TMEM63C: variants seen among roughly 807,000 people sequenced by gnomAD.
TMEM63C encodes transmembrane protein 63C.
TMEM63C carries 32 observed loss-of-function variants against 99.2 expected under a neutral mutation model. The ratio of observed to expected loss-of-function variants is 0.32; its 90% confidence interval spans 0.24 to 0.43. The LOEUF (loss-of-function observed/expected upper bound fraction) is 0.43, where lower values mean the gene tolerates loss of function less well. Ranked by LOEUF, TMEM63C falls within the 20% of genes least tolerant of loss-of-function variation. The pLI is 1.00. For missense variants in TMEM63C, 826 were observed against 1,053.0 expected (o/e 0.78, Z 2.98); for synonymous variants, 376 against 397.9 (o/e 0.94, Z 0.66).
At chr14:77,195,235 G>A (rs1199812451) in intron 1 of TMEM63C, among the ~76,000 whole-genome samples, 2 of 152,168 alleles carry the variant, frequency 1.3e-5, no homozygotes, top group South Asian at 2.1e-4. Flanking sequence ...AGATGTGGGC[G>A]GGCCCAAGAG....
At chr14:77,214,447 C>T (rs189107852) in intron 2 of TMEM63C, among the ~76,000 whole-genome samples, 2 of 152,064 alleles carry the variant, frequency 1.3e-5, no homozygotes, top group Non-Finnish European at 2.9e-5. Flanking sequence ...AGTCCAGCTT[C>T]CCTTTCCACC....
intron 6 of TMEM63C, 28 bp downstream of exon 6, chr14:77,225,489 G>C (rs775942595): frequency 5.0e-6 from 8 of 1,611,774 alleles, no homozygotes; most frequent in Admixed American, 1.7e-5. Flanking sequence ...GTGAGCTTGT[G>C]ACCGTGTTGC....
intron 1 of TMEM63C, among the ~76,000 whole-genome samples, chr14:77,192,654 C>T (rs1419143284): frequency 2.0e-5 from 3 of 151,864 alleles, no homozygotes; most frequent in East Asian, 1.9e-4. Context: ...TGCAGCTACT[C>T]GGGAGGCTGA....
In TMEM63C at chr14:77,225,552, G is replaced by A. The variant is rs1888805478; in HGVS notation, c.350+91G>A. 7.9e-6 allele frequency: 11 copies of A among 1,384,310 alleles called. No homozygotes were observed. In the South Asian group the frequency reaches 1.3e-4, roughly 17 times the overall value. 85.8% of individuals were successfully genotyped at this position (1,384,310 alleles called of 1,614,324 possible). On this transcript the variant is annotated intron_variant, in intron 6 of 23. Coordinates refer to ENST00000298351, the MANE Select transcript of TMEM63C (RefSeq NM_020431.4). ...GAAAAGTTAGCAGCCCCCAGCCTGG[G>A]AAGACAGGGCCTGAGCTCCGTATCC...
At chr14:77,217,367 C>A (rs1372865630) in intron 2 of TMEM63C, among the ~76,000 whole-genome samples, 1 of 152,216 alleles carries the variant, frequency 6.6e-6, no homozygotes, top group Non-Finnish European at 1.5e-5. Context: ...ATTCCCTAAT[C>A]ACCCCTTTAC....
intron 22 of TMEM63C, 54 bp downstream of exon 22, chr14:77,251,952 G>A (rs1305533189): frequency 2.9e-6 from 4 of 1,388,388 alleles, no homozygotes; most frequent in East Asian, 4.6e-5. Context: ...GGGGGACACA[G>A]CTGTAGGATA....
At chr14:77,232,389 G>A (rs1216100178) in intron 7 of TMEM63C, among the ~76,000 whole-genome samples, 1 of 152,134 alleles carries the variant, frequency 6.6e-6, no homozygotes, top group African/African-American at 2.4e-5. Context: ...CTGGGTTCAA[G>A]TGATTCTCCT....
chr14:77,253,296 C>G lies in TMEM63C; in HGVS notation c.2149-9C>G. 1 of 1,612,120 alleles carries G rather than the reference C, an allele frequency of 6.2e-7. No individual in the cohort carries two copies. The highest frequency in any genetic ancestry group is 8.5e-7 in the Non-Finnish European group (1 of 1,179,310). On this transcript the variant is annotated splice_polypyrimidine_tract_variant and intron_variant, in intron 22 of 23. Transcript: ENST00000298351. The stretch of plus-strand genomic sequence containing the variant: ...GCCTCCTGTAACCCACCACCTCTCC[C>G]TGCTGCAGCCCGAGGAGGAGGAGAT...
chr14:77,202,827 A>ACACG (rs1471682660), intron 1 of TMEM63C, among the ~76,000 whole-genome samples: 1 of 14,456 alleles, frequency 6.9e-5, no homozygotes, highest in African/African-American at 3.8e-4. Flanking sequence ...AGGCAGGCGC[A>ACACG]CACACACACA....
At chr14:77,202,987 T>C (rs1888328461) in intron 1 of TMEM63C, among the ~76,000 whole-genome samples, 1 of 152,206 alleles carries the variant, frequency 6.6e-6, no homozygotes, top group African/African-American at 2.4e-5. Flanking sequence ...CCCACATCCT[T>C]ATTACAACAC....
rs775261682 is a variant in TMEM63C at position 77,244,416 on chromosome 14, T to C, written c.1409T>C (p.Ile470Thr). ...LWGFTVILPLIVYFSAFLEAH... is the reference protein window; with the variant it reads ...LWGFTVILPLTVYFSAFLEAH... ...GGCTTCACAGTGATACTGCCTCTGA[T>C]TGTCTACTTCTCCGCCTTCCTCGAG... The change falls in exon 16 of 24, where the codon ATT becomes ACT. Residue 470 changes from isoleucine (I) to threonine (T), a missense_variant. By Grantham distance (89) the Ile-to-Thr change is moderately conservative. Coordinates refer to ENST00000298351, the MANE Select transcript of TMEM63C (RefSeq NM_020431.4). 3 of 1,613,954 alleles carry C rather than the reference T, an allele frequency of 1.9e-6. No homozygotes were observed. The highest frequency in any genetic ancestry group is 3.3e-5 in the Admixed American group (2 of 60,020).
intron 2 of TMEM63C, 159 bp downstream of exon 2, chr14:77,213,667 C>T (rs1888529247): frequency 6.6e-6 from 1 of 152,268 alleles, no homozygotes; most frequent in Non-Finnish European, 1.5e-5. Context: ...GATGCCAGCT[C>T]CTTCCTCCAA....
At position 77,256,832 on chromosome 14, in the gene TMEM63C, T is replaced by A; in HGVS notation, c.*106T>A. The A allele has an allele frequency of 9.3e-7, 1 of 1,078,954 alleles. No homozygotes were observed. Among genetic ancestry groups the A allele is most frequent in the Non-Finnish European group, 1.3e-6 (1 of 748,890 alleles). 66.8% of individuals were successfully genotyped at this position (1,078,954 alleles called of 1,614,324 possible). A position where few individuals can be genotyped will look rare whatever the true frequency, so the allele number is the denominator to read the frequency against. ...ACCTCCCCACTACCTCCTGCAGACT[T>A]TGAGAAGCCCACAGTGGAGACATCC... On this transcript the variant is annotated 3_prime_UTR_variant, in exon 24 of 24. Transcript: ENST00000298351.
chr14:77,197,001 C>T (rs933134652), intron 1 of TMEM63C, among the ~76,000 whole-genome samples: 3 of 152,164 alleles, frequency 2.0e-5, no homozygotes, highest in African/African-American at 7.2e-5. Flanking sequence ...ACTGGACATC[C>T]CAAGCTAGAA....
At chr14:77,199,691 T>G (rs1319844866) in intron 1 of TMEM63C, among the ~76,000 whole-genome samples, 2 of 152,160 alleles carry the variant, frequency 1.3e-5, no homozygotes, top group Non-Finnish European at 2.9e-5. Flanking sequence ...TACTCTGCCT[T>G]GGGTGTAGGC....
chr14:77,241,973 CAAT>C (rs1292326654), intron 13 of TMEM63C, among the ~76,000 whole-genome samples: 4 of 152,142 alleles, frequency 2.6e-5, no homozygotes, highest in Non-Finnish European at 5.9e-5. Context: ...AGAAAGAACT[CAAT>C]AATTAGTAGC....
chr14:77,231,928 T>G (rs184581354), intron 7 of TMEM63C, among the ~76,000 whole-genome samples, 198 bp downstream of exon 7: 103 of 152,378 alleles, frequency 6.8e-4, no homozygotes, highest in African/African-American at 2.3e-3. Flanking sequence ...TGTCACAGGT[T>G]TGGCCCAGAG....
intron 16 of TMEM63C, 61 bp downstream of exon 16, chr14:77,244,516 C>T (rs1249786718): frequency 7.3e-7 from 1 of 1,375,610 alleles, no homozygotes; most frequent in African/African-American, 1.4e-5. Flanking sequence ...CCTGCCCTGG[C>T]TTCCCCGCCA....
In TMEM63C at chr14:77,248,812, A is replaced by G. The variant is rs749993431; in HGVS notation, c.1810A>G (p.Met604Val). Residue 604 changes from methionine to valine, a missense_variant, in exon 20 of 24, where the codon ATG (methionine) becomes GTG (valine). Transcript: ENST00000298351. ...FQFGREYAWMMNVFSVVMAYS... is the reference protein window; with the variant it reads ...FQFGREYAWMVNVFSVVMAYS... ...GTTTGGGCGTGAGTATGCGTGGATG[A>G]TGAACGTGTTCAGCGTGGTGATGGC... 2.5e-6 allele frequency: 4 copies of G among 1,614,036 alleles called. No individual in the cohort carries two copies. Among genetic ancestry groups the G allele is most frequent in the Non-Finnish European group, 3.4e-6 (4 of 1,179,892 alleles).
Sources: allele counts gnomAD v4.1 joint callset (sites outside exome capture counted in the v4.1 genomes callset), GRCh38; gene constraint gnomAD v4.1.1; transcripts MANE v1.5; gene names NCBI Gene and HGNC (gene_info 2026-07-23, HGNC 2026-07-21).